The following UNC13C variants were observed in gnomAD, a reference collection of about 807,000 sequenced individuals.
UNC13C encodes unc-13 homolog C.
Under a neutral mutation model 245.4 loss-of-function variants are expected in UNC13C, and 174 were observed. The ratio of observed to expected loss-of-function variants is 0.71; its 90% CI spans 0.63 to 0.80. UNC13C has a LOEUF of 0.80. UNC13C is among the 30% of genes least tolerant of loss of function. UNC13C has a pLI of 0.00. For missense variants in UNC13C, 2,829 were observed against 2,602.9 expected, an observed-to-expected ratio of 1.09 and a Z score of -1.89; for synonymous variants, 992 against 895.1, an observed-to-expected ratio of 1.11 and a Z score of -1.93.
intron 2 of UNC13C, among the ~76,000 whole-genome samples, chr15:54,046,257 G>T (rs1401314495): frequency 6.6e-6 from 1 of 152,130 alleles, no homozygotes; most frequent in Non-Finnish European, 1.5e-5. Flanking sequence ...TGTCATCAGA[G>T]TAAATACCTA....
chr15:54,144,198 A>T lies in UNC13C; in HGVS notation c.3071+514A>T, dbSNP rs113785073. ...TATGAAATTTATTTTCTATGTAAAA[A>T]ATTCAAGCAGCCTCGTCTTTAATGT... On this transcript the variant is annotated intron_variant, in intron 4 of 32. Transcript: ENST00000260323. Among the ~76,000 whole-genome samples, 642 of 152,308 alleles carry T rather than the reference A, an allele frequency of 4.2e-3. 7 individuals carry two copies. The highest frequency in any genetic ancestry group is 0.015 in the African/African-American group (617 of 41,582).
chr15:54,523,635 G>A (rs1420702905), intron 24 of UNC13C, among the ~76,000 whole-genome samples: 1 of 152,180 alleles, frequency 6.6e-6, no homozygotes, highest in Non-Finnish European at 1.5e-5. Flanking sequence ...AGCCATTTCT[G>A]TATGACCTTG....
chr15:53,959,459 G>T, the UNC13C span, among the ~76,000 whole-genome samples: 1 of 151,768 alleles, frequency 6.6e-6, no homozygotes, highest in Non-Finnish European at 1.5e-5. Context: ...ATTTCTTATG[G>T]TTTCTTTTTG....
At chr15:53,891,702 C>G in the UNC13C span, among the ~76,000 whole-genome samples, 7 of 151,914 alleles carry the variant, frequency 4.6e-5, no homozygotes, top group African/African-American at 1.7e-4. Context: ...TTTTTGCTTT[C>G]CATTTGCTTG....
intron 19 of UNC13C, among the ~76,000 whole-genome samples, chr15:54,490,557 G>C (rs1271307750): frequency 1.3e-5 from 2 of 152,068 alleles, no homozygotes; most frequent in African/African-American, 4.8e-5. Context: ...TGAACTGAAG[G>C]TCTTGTCTGA....
intron 2 of UNC13C, among the ~76,000 whole-genome samples, chr15:54,132,074 C>CTT (rs1555420957): frequency 5.4e-5 from 6 of 110,670 alleles, no homozygotes; most frequent in East Asian, 2.7e-4. Context: ...TTTTCTTTTT[C>CTT]TTTTTTTTTT....
chr15:54,297,701 T>C (rs1057480132), intron 11 of UNC13C, 110 bp from the exon 12 acceptor site: 2 of 747,510 alleles, frequency 2.7e-6, no homozygotes, highest in Non-Finnish European at 4.6e-6. Context: ...AAATAGCTTT[T>C]AGCTACTTAA....
chr15:53,977,305 G>T (rs138657384), upstream of UNC13C, among the ~76,000 whole-genome samples: 91 of 152,196 alleles, frequency 6.0e-4, no homozygotes, highest in Non-Finnish European at 1.1e-3. Context: ...TGTCACATAC[G>T]GTAGGTGAAA....
chr15:54,175,357 T>A (rs969856814), intron 4 of UNC13C, among the ~76,000 whole-genome samples: 1 of 152,062 alleles, frequency 6.6e-6, no homozygotes, highest in South Asian at 2.1e-4. Flanking sequence ...AGCCATGGTG[T>A]CCAATCTGTC....
At chr15:54,312,873 ACTGAATAGTT>A (rs2140965813) in intron 13 of UNC13C, among the ~76,000 whole-genome samples, 1 of 151,960 alleles carries the variant, frequency 6.6e-6, no homozygotes, top group South Asian at 2.1e-4. Context: ...ATCAGCAGTC[ACTGAATAGTT>A]CTCCATCTAG....
chr15:54,549,935 A>ATG (rs2141182218), intron 28 of UNC13C, among the ~76,000 whole-genome samples: 1 of 152,310 alleles, frequency 6.6e-6, no homozygotes, highest in Non-Finnish European at 1.5e-5. Flanking sequence ...ACAAAGACAA[A>ATG]ATGGAACACT....
At chr15:54,429,188 C>T (rs1172520927) in intron 19 of UNC13C, among the ~76,000 whole-genome samples, 1 of 151,650 alleles carries the variant, frequency 6.6e-6, no homozygotes, top group African/African-American at 2.4e-5. Context: ...TCTGTCTTTC[C>T]CTCTCATTGA....
chr15:53,871,884 A>G, the UNC13C span, among the ~76,000 whole-genome samples: 3 of 152,192 alleles, frequency 2.0e-5, no homozygotes, highest in African/African-American at 4.8e-5. Flanking sequence ...GAACTCTTCA[A>G]CTTGTACACA....
intron 29 of UNC13C, among the ~76,000 whole-genome samples, chr15:54,566,206 G>C (rs1464218219): frequency 6.6e-6 from 1 of 151,920 alleles, no homozygotes; most frequent in Non-Finnish European, 1.5e-5. Flanking sequence ...ACAGAGTCAA[G>C]ACCAATCTAT....
chr15:53,949,461 A>C, the UNC13C span, among the ~76,000 whole-genome samples: 1 of 152,224 alleles, frequency 6.6e-6, no homozygotes. Flanking sequence ...AGTTATCTAA[A>C]ATAATTTTTG....
At chr15:53,909,701 A>C in the UNC13C span, among the ~76,000 whole-genome samples, 1 of 146,890 alleles carries the variant, frequency 6.8e-6, no homozygotes, top group African/African-American at 2.4e-5. Flanking sequence ...AGCCAAGAGT[A>C]TTCTAAGTCT....
At chr15:53,914,455 AAGAG>A in the UNC13C span, 2 of 152,272 alleles carry the variant, frequency 1.3e-5, no homozygotes, top group Non-Finnish European at 2.9e-5. Flanking sequence ...CGTCCACAGA[AAGAG>A]AGAGTCAGGG....
chr15:54,195,349 T>A (rs1176279954), intron 4 of UNC13C, among the ~76,000 whole-genome samples: 1 of 152,106 alleles, frequency 6.6e-6, no homozygotes, highest in Non-Finnish European at 1.5e-5. Context: ...AACACTGCCA[T>A]TCCAAGACAT....
chr15:53,965,657 C>G, the UNC13C span, among the ~76,000 whole-genome samples: 6 of 151,638 alleles, frequency 4.0e-5, no homozygotes, highest in African/African-American at 1.5e-4. Context: ...TGTTGGTGTG[C>G]TGCACCCACT....
Sources: allele counts gnomAD v4.1 joint callset (sites outside exome capture counted in the v4.1 genomes callset), GRCh38; gene constraint gnomAD v4.1.1; transcripts MANE v1.5; gene names NCBI Gene and HGNC (gene_info 2026-07-23, HGNC 2026-07-21).